The following GPM6B variants were observed in gnomAD, a reference collection of about 807,000 sequenced individuals.
GPM6B encodes glycoprotein M6B.
GPM6B carries 4 observed loss-of-function variants against 27.2 expected under a neutral mutation model. That is an observed-to-expected ratio of 0.15 (90% CI 0.07 to 0.34). The LOEUF (loss-of-function observed/expected upper bound fraction) is 0.34, where lower values mean the gene tolerates loss of function less well. GPM6B is among the 10% of genes least tolerant of loss of function. The pLI, the probability that GPM6B is intolerant of heterozygous loss-of-function variation, is 1.00. For missense variants in GPM6B, 183 were observed against 261.9 expected (o/e 0.70, Z 2.08); for synonymous variants, 124 against 103.1 (o/e 1.20, Z -1.23).
chrX:13,932,259 G>A (rs992822608), intron 1 of GPM6B, among the ~76,000 whole-genome samples: 2 of 111,189 alleles, frequency 1.8e-5, no homozygotes, highest in Non-Finnish European at 3.8e-5. Flanking sequence ...TTTGTATCCA[G>A]GGCCTGGACC....
intron 1 of GPM6B, among the ~76,000 whole-genome samples, chrX:13,857,274 T>C (rs941594072): frequency 2.7e-5 from 3 of 111,915 alleles, no homozygotes; most frequent in African/African-American, 6.5e-5. Context: ...AGGGGGGCCA[T>C]TGTTCAGCCT....
In GPM6B at chrX:13,771,534, T is replaced by G. The variant is rs1457508309; in HGVS notation, c.*1347A>C. On this transcript the variant is annotated 3_prime_UTR_variant, in exon 8 of 8. Coordinates refer to ENST00000316715, the MANE Select transcript of GPM6B (RefSeq NM_001001995.3). ...ATTTGAATACATTTCTGCACATGTA[T>G]GTTATAAAATCCAGGAAACAGCCAA... 1 of 112,291 alleles carries G rather than the reference T, an allele frequency of 8.9e-6. No individual in the cohort carries two copies. The highest frequency in any genetic ancestry group is 1.9e-5 in the Non-Finnish European group (1 of 53,111). The allele number at this position is 112,291 out of a possible 1,213,427, so 9.3% of individuals were successfully genotyped here.
chrX:13,920,304 A>T (rs1920957066), intron 1 of GPM6B, among the ~76,000 whole-genome samples: 1 of 87,116 alleles, frequency 1.1e-5, no homozygotes, highest in South Asian at 4.8e-4. Flanking sequence ...AAAGAAAGAA[A>T]AAAAAAGAAA....
intron 1 of GPM6B, among the ~76,000 whole-genome samples, chrX:13,905,230 CA>C (rs199791285): frequency 6.3e-4 from 41 of 64,708 alleles, no homozygotes; most frequent in Non-Finnish European, 6.2e-4. Context: ...GGCCCTGTCT[CA>C]AAAAAAAAAA....
intron 1 of GPM6B, among the ~76,000 whole-genome samples, chrX:13,872,131 T>C (rs2049984599): frequency 9.5e-6 from 1 of 104,989 alleles, no homozygotes; most frequent in Non-Finnish European, 1.9e-5. Context: ...AGAATAGGAG[T>C]GCTGGGGAGA....
chrX:13,915,430 CCCTTTGTGGTT>C (rs2050419241), intron 1 of GPM6B, among the ~76,000 whole-genome samples: 4 of 111,803 alleles, frequency 3.6e-5, no homozygotes, highest in Non-Finnish European at 5.6e-5. Context: ...CTCAGCAGGT[CCCTTTGTGGTT>C]ATGAACACCA....
chrX:13,859,961 C>G (rs1405208608), intron 1 of GPM6B, among the ~76,000 whole-genome samples: 1 of 111,849 alleles, frequency 8.9e-6, no homozygotes, highest in Non-Finnish European at 1.9e-5. Context: ...CATTCCTTTT[C>G]TTGACTCTCT....
At chrX:13,891,890 C>T (rs911278981) in intron 1 of GPM6B, among the ~76,000 whole-genome samples, 1 of 111,717 alleles carries the variant, frequency 9.0e-6, no homozygotes, top group East Asian at 2.8e-4. Flanking sequence ...GTATGCCAGT[C>T]ACTGCATAAT....
chrX:13,838,146 A>C (rs77566712), intron 1 of GPM6B, among the ~76,000 whole-genome samples: 1 of 107,967 alleles, frequency 9.3e-6, no homozygotes, highest in Non-Finnish European at 1.9e-5. Context: ...AAAAAAAAAA[A>C]GGCAATATGG....
intron 1 of GPM6B, among the ~76,000 whole-genome samples, chrX:13,926,112 A>G (rs1921174993): frequency 9.3e-6 from 1 of 107,131 alleles, no homozygotes; most frequent in African/African-American, 3.4e-5. Context: ...CCTGACAGGT[A>G]TGTTTGTGGA....
chrX:13,853,035 A>G, intron 1 of GPM6B, among the ~76,000 whole-genome samples: 1 of 111,419 alleles, frequency 9.0e-6, no homozygotes, highest in Middle Eastern at 4.6e-3. Flanking sequence ...CAAAGGGTCA[A>G]TGAATGTATG....
chrX:13,937,683 TC>T (rs1196668902), intron 1 of GPM6B, among the ~76,000 whole-genome samples: 32 of 110,897 alleles, frequency 2.9e-4, no homozygotes, highest in Middle Eastern at 9.3e-3. Context: ...CAATACAGAG[TC>T]CCCACTTAAA....
At chrX:13,845,308 T>C (rs1298317336) in intron 1 of GPM6B, among the ~76,000 whole-genome samples, 3 of 106,180 alleles carry the variant, frequency 2.8e-5, no homozygotes, top group African/African-American at 1.0e-4. Context: ...TTCTTTTCTA[T>C]AGTGGAAATC....
chrX:13,864,446 A>C (rs746157754), intron 1 of GPM6B, among the ~76,000 whole-genome samples: 1 of 112,818 alleles, frequency 8.9e-6, no homozygotes, highest in Admixed American at 9.3e-5. Context: ...CATGACTTGC[A>C]CATCAGGTGG....
At chrX:13,876,892 C>T (rs2050038989) in intron 1 of GPM6B, among the ~76,000 whole-genome samples, 1 of 111,107 alleles carries the variant, frequency 9.0e-6, no homozygotes. Flanking sequence ...TAACAGACAA[C>T]TCACTGGAGT....
At chrX:13,848,792 T>A (rs1028460895) in intron 1 of GPM6B, among the ~76,000 whole-genome samples, 1 of 112,450 alleles carries the variant, frequency 8.9e-6, no homozygotes, top group African/African-American at 3.2e-5. Context: ...TGTACATGAA[T>A]GTTCACAGAA....
chrX:13,915,890 T>C (rs1209645051), intron 1 of GPM6B, among the ~76,000 whole-genome samples: 1 of 112,227 alleles, frequency 8.9e-6, no homozygotes, highest in Non-Finnish European at 1.9e-5. Context: ...TTCTGATTTC[T>C]GTGAAAATCA....
At chrX:13,885,727 C>G (rs1603112208) in intron 1 of GPM6B, among the ~76,000 whole-genome samples, 1 of 111,491 alleles carries the variant, frequency 9.0e-6, no homozygotes, top group African/African-American at 3.3e-5. Flanking sequence ...TGGTCCCACC[C>G]CCCTCCATCT....
At chrX:13,926,899 AAAATT>A (rs1963370716) in intron 1 of GPM6B, among the ~76,000 whole-genome samples, 1 of 112,131 alleles carries the variant, frequency 8.9e-6, no homozygotes, top group Non-Finnish European at 1.9e-5. Flanking sequence ...CAAGTCATAA[AAAATT>A]AAAGGAAAAG....
Sources: allele counts gnomAD v4.1 joint callset (sites outside exome capture counted in the v4.1 genomes callset), GRCh38; gene constraint gnomAD v4.1.1; transcripts MANE v1.5; gene names NCBI Gene and HGNC (gene_info 2026-07-23, HGNC 2026-07-21).